The following UBE2L3 variants were observed in gnomAD, a reference collection of about 807,000 sequenced individuals.
The protein encoded by UBE2L3 is ubiquitin conjugating enzyme E2 L3.
UBE2L3 carries 1 observed loss-of-function variant against 17.8 expected under a neutral mutation model. The observed-to-expected ratio is 0.06, with a 90% CI of 0.02 to 0.27. The LOEUF (loss-of-function observed/expected upper bound fraction) is 0.27, where lower values mean the gene tolerates loss of function less well. Among genes scored for constraint, UBE2L3 ranks in the 10% least tolerant of loss-of-function variants. UBE2L3 has a pLI of 1.00. For missense variants in UBE2L3, 40 were observed against 192.6 expected (o/e 0.21, Z 4.69); for synonymous variants, 44 against 68.5 (o/e 0.64, Z 1.76).
chr22:21,571,693 C>T (rs1464269765), intron 1 of UBE2L3, among the ~76,000 whole-genome samples: 2 of 152,174 alleles, frequency 1.3e-5, no homozygotes, highest in African/African-American at 2.4e-5. Context: ...TGAGCCACTG[C>T]GCCCAGCCTA....
intron 1 of UBE2L3, 129 bp downstream of exon 1, chr22:21,567,900 TG>T: frequency 1.3e-6 from 2 of 1,518,442 alleles, no homozygotes; most frequent in Non-Finnish European, 1.8e-6. Flanking sequence ...GTCGGTTCCC[TG>T]GGCCGCGCGC....
At chr22:21,614,679 A>C (rs1929674420) in intron 3 of UBE2L3, 5 of 1,337,682 alleles carry the variant, frequency 3.7e-6, no homozygotes, top group Non-Finnish European at 5.0e-6. Context: ...AGCATAATGG[A>C]AGAAATAGTA....
At chr22:21,566,277 A>G (rs1337811241), upstream of UBE2L3, among the ~76,000 whole-genome samples, 1 of 151,740 alleles carries the variant, frequency 6.6e-6, no homozygotes, top group Non-Finnish European at 1.5e-5. Flanking sequence ...CAAGCCCCAA[A>G]GTACTCTTTA....
chr22:21,613,243 C>T (rs1017499698), intron 3 of UBE2L3, among the ~76,000 whole-genome samples: 3 of 152,152 alleles, frequency 2.0e-5, no homozygotes, highest in East Asian at 1.9e-4. Context: ...CATAGAAGGC[C>T]GTGGCAGGGT....
chr22:21,565,253 C>T (rs893873931), upstream of UBE2L3, among the ~76,000 whole-genome samples: 12 of 151,692 alleles, frequency 7.9e-5, no homozygotes, highest in African/African-American at 2.9e-4. Context: ...CCACCACGCC[C>T]GGCTAATTTT....
At chr22:21,619,322 C>T (rs1185323306) in intron 3 of UBE2L3, among the ~76,000 whole-genome samples, 1 of 152,168 alleles carries the variant, frequency 6.6e-6, no homozygotes, top group Non-Finnish European at 1.5e-5. Flanking sequence ...GAGGTGATAC[C>T]ACCTACCCCT....
chr22:21,561,561 GAC>G (rs753349656), intron 1 of UBE2L3, among the ~76,000 whole-genome samples: 7 of 152,364 alleles, frequency 4.6e-5, no homozygotes. Context: ...CAGCCTGGGT[GAC>G]AGAGCCAGAC....
upstream of UBE2L3, among the ~76,000 whole-genome samples, chr22:21,567,367 G>C (rs937686686): frequency 6.6e-6 from 1 of 152,134 alleles, no homozygotes; most frequent in African/African-American, 2.4e-5. Context: ...GTTTCACCAC[G>C]TTGGCCAGGC....
At chr22:21,610,546 A>G (rs1426817289) in intron 2 of UBE2L3, among the ~76,000 whole-genome samples, 1 of 152,182 alleles carries the variant, frequency 6.6e-6, no homozygotes, top group African/African-American at 2.4e-5. Flanking sequence ...GGCAGGGGGT[A>G]TTTAGGAATT....
At chr22:21,557,751 G>A (rs1926288759) in intron 1 of UBE2L3, among the ~76,000 whole-genome samples, 1 of 152,260 alleles carries the variant, frequency 6.6e-6, no homozygotes, top group South Asian at 2.1e-4. Context: ...TCGATCTCCT[G>A]ACCTCGTGAT....
chr22:21,591,149 AAG>A (rs1928244678), intron 1 of UBE2L3, among the ~76,000 whole-genome samples: 1 of 152,298 alleles, frequency 6.6e-6, no homozygotes, highest in Admixed American at 6.5e-5. Context: ...TATGCAGGGA[AAG>A]AGGGGCCTCA....
intron 1 of UBE2L3, among the ~76,000 whole-genome samples, chr22:21,577,782 T>C (rs1004575492): frequency 6.6e-6 from 1 of 152,240 alleles, no homozygotes; most frequent in African/African-American, 2.4e-5. Context: ...TATTTCACTT[T>C]CTTGTCAGAT....
At chr22:21,568,817 A>G (rs1926792544) in intron 1 of UBE2L3, among the ~76,000 whole-genome samples, 1 of 152,132 alleles carries the variant, frequency 6.6e-6, no homozygotes, top group South Asian at 2.1e-4. Flanking sequence ...AGTGCTTGGT[A>G]GAGCTAGACA....
chr22:21,556,614 CT>C (rs747912504), intron 1 of UBE2L3, among the ~76,000 whole-genome samples: 1,440 of 143,798 alleles, frequency 0.01, no homozygotes, highest in South Asian at 0.07. Flanking sequence ...TTTCTTTTTT[CT>C]TTTTTTTTTT....
chr22:21,615,747 T>C lies in UBE2L3; in HGVS notation c.310+4704T>C, dbSNP rs190634632. ...CACTCGTCTATCACAGATGTGTGCGTGTGCAGAGCAGCAAAAAATTTGAAG... is the reference window on the plus strand; with the variant it reads ...CACTCGTCTATCACAGATGTGTGCGCGTGCAGAGCAGCAAAAAATTTGAAG... On this transcript the variant is annotated intron_variant, in intron 3 of 3. Transcript: ENST00000342192. Among the ~76,000 whole-genome samples, 128 of 152,300 alleles carry C rather than the reference T, an allele frequency of 8.4e-4. 1 individual carries two copies. The highest frequency in any genetic ancestry group is 3.0e-3 in the African/African-American group (125 of 41,568).
chr22:21,617,144 T>TAAA (rs552706292), intron 3 of UBE2L3, among the ~76,000 whole-genome samples: 3 of 110,682 alleles, frequency 2.7e-5, no homozygotes, highest in Non-Finnish European at 3.8e-5. Flanking sequence ...AACTCTGTCT[T>TAAA]AAAAAAAAAA....
intron 2 of UBE2L3, among the ~76,000 whole-genome samples, chr22:21,600,102 A>G (rs370860988): frequency 1.3e-5 from 2 of 150,522 alleles, no homozygotes; most frequent in Non-Finnish European, 3.0e-5. Context: ...ACCTGAGGTC[A>G]GGAGTTTGAG....
chr22:21,583,205 T>C (rs1171997288), intron 1 of UBE2L3, among the ~76,000 whole-genome samples: 1 of 152,206 alleles, frequency 6.6e-6, no homozygotes, highest in Admixed American at 6.5e-5. Context: ...ACCTGTTCTC[T>C]AGCAGTTCTG....
chr22:21,561,809 T>C (rs1347786883), intron 1 of UBE2L3, among the ~76,000 whole-genome samples: 1 of 152,088 alleles, frequency 6.6e-6, no homozygotes, highest in Non-Finnish European at 1.5e-5. Flanking sequence ...CAGAGGGAGG[T>C]TGAGGCAAAG....
Sources: allele counts gnomAD v4.1 joint callset (sites outside exome capture counted in the v4.1 genomes callset), GRCh38; gene constraint gnomAD v4.1.1; transcripts MANE v1.5; gene names NCBI Gene and HGNC (gene_info 2026-07-23, HGNC 2026-07-21).